Variants in FLT1 observed in about 807,000 individuals in gnomAD.
The protein encoded by FLT1 is fms related receptor tyrosine kinase 1.
A neutral mutation model predicts 156.3 loss-of-function variants in FLT1; 49 were observed. That is an observed-to-expected ratio of 0.31 (90% CI 0.25 to 0.40). The LOEUF (loss-of-function observed/expected upper bound fraction) is 0.40. Among genes scored for constraint, FLT1 ranks in the 10% least tolerant of loss-of-function variants. The pLI, the probability that FLT1 is intolerant of heterozygous loss-of-function variation, is 1.00. For missense variants in FLT1, 1,322 were observed against 1,637.2 expected, an observed-to-expected ratio of 0.81 and a Z score of 3.32; for synonymous variants, 594 against 583.8, an observed-to-expected ratio of 1.02 and a Z score of -0.25.
chr13:28,400,308 T>A (rs978392880), intron 11 of FLT1, among the ~76,000 whole-genome samples: 3 of 152,192 alleles, frequency 2.0e-5, no homozygotes, highest in Admixed American at 2.0e-4. Context: ...GCTCTTCAAC[T>A]GTTGTTATGT....
intron 14 of FLT1, among the ~76,000 whole-genome samples, chr13:28,372,563 A>AATGTATATATATATATATATAT (rs1873653118): frequency 2.1e-5 from 1 of 46,594 alleles, no homozygotes; most frequent in Admixed American, 4.5e-4. Context: ...GTTTAAATAA[A>AATGTATATATATATATATATAT]ATGTATATAT....
chr13:28,314,260 T>C (rs769655656), intron 25 of FLT1, among the ~76,000 whole-genome samples: 1 of 152,188 alleles, frequency 6.6e-6, no homozygotes, highest in Non-Finnish European at 1.5e-5. Context: ...CTCCCTAGTT[T>C]CCCTGCTGAC....
intron 14 of FLT1, among the ~76,000 whole-genome samples, chr13:28,378,050 CTT>C (rs869039457): frequency 2.6e-4 from 36 of 136,026 alleles, no homozygotes; most frequent in Admixed American, 2.2e-4. Flanking sequence ...GAGACTTAAT[CTT>C]TTTTTTTTTT....
chr13:28,438,091 T>C, intron 4 of FLT1, 130 bp downstream of exon 4: 2 of 814,630 alleles, frequency 2.5e-6, no homozygotes, highest in Non-Finnish European at 4.2e-6. Context: ...AGTAAAAGGA[T>C]GTTACAGGAA....
chr13:28,338,236 G>A (rs1302769242), intron 17 of FLT1, among the ~76,000 whole-genome samples: 2 of 151,970 alleles, frequency 1.3e-5, no homozygotes, highest in Non-Finnish European at 2.9e-5. Context: ...TGCATGTAAG[G>A]AGAGGGACGA....
chr13:28,475,226 C>A (rs1319373360), intron 1 of FLT1, among the ~76,000 whole-genome samples: 1 of 152,170 alleles, frequency 6.6e-6, no homozygotes, highest in Non-Finnish European at 1.5e-5. Flanking sequence ...AAATTTTTAA[C>A]AAATTATGTC....
chr13:28,302,015 C>A lies in FLT1; in HGVS notation c.*1152G>T. 4.3e-6 allele frequency: 1 copy of A among 233,672 alleles called. No individual in the cohort carries two copies. The highest frequency in any genetic ancestry group is 6.0e-5 in the East Asian group (1 of 16,590). 14.5% of individuals were successfully genotyped at this position (233,672 alleles called of 1,614,324 possible). ...TTAAATGAAAAGGAAACGTGACTGA[C>A]TTCCTGTGTTTTGGGTCCCAACTGT... On this transcript the variant is annotated 3_prime_UTR_variant, in exon 30 of 30. Coordinates refer to ENST00000282397, the MANE Select transcript of FLT1 (RefSeq NM_002019.4).
intron 24 of FLT1, among the ~76,000 whole-genome samples, chr13:28,318,636 G>A (rs531606163): frequency 3.3e-5 from 5 of 152,334 alleles, no homozygotes; most frequent in South Asian, 4.1e-4. Context: ...AGCAACAGGT[G>A]CCTGTCATCG....
chr13:28,437,706 T>C (rs1293270651), intron 4 of FLT1, among the ~76,000 whole-genome samples: 3 of 152,188 alleles, frequency 2.0e-5, no homozygotes, highest in African/African-American at 7.2e-5. Context: ...TCCTCCCTTT[T>C]TCCCTAAGAG....
At chr13:28,385,062 C>T (rs200484424) in intron 13 of FLT1, 31 bp from the exon 14 acceptor site, 441 of 1,612,464 alleles carry the variant, frequency 2.7e-4, no homozygotes, top group Non-Finnish European at 3.4e-4. Context: ...GCTGTGATTA[C>T]TCGTCAACTT....
intron 3 of FLT1, among the ~76,000 whole-genome samples, chr13:28,443,231 A>G (rs561272372): frequency 1.3e-5 from 2 of 152,356 alleles, no homozygotes; most frequent in Admixed American, 1.3e-4. Context: ...ATCCTTCAGG[A>G]CAACAAGTGG....
chr13:28,439,519 C>T lies in FLT1; in HGVS notation c.389-1174G>A, dbSNP rs1250356390. ...TGATCATTATGGTAGAACTGTGTCCCCACCAAAACGATATGCTGAAGTCCT... is the reference window on the plus strand; with the variant it reads ...TGATCATTATGGTAGAACTGTGTCCTCACCAAAACGATATGCTGAAGTCCT... On this transcript the variant is annotated intron_variant, in intron 3 of 29. Coordinates refer to ENST00000282397, the MANE Select transcript of FLT1 (RefSeq NM_002019.4). The surrounding 1 kb of genome is among the most constrained non-coding windows in gnomAD (Gnocchi z 4.1). Among the ~76,000 whole-genome samples the T allele has an allele frequency of 1.3e-5, 2 of 152,160 alleles. No homozygotes were observed. The highest frequency in any genetic ancestry group is 4.8e-5 in the African/African-American group (2 of 41,446).
chr13:28,424,673 C>T (rs1441719899), intron 10 of FLT1, among the ~76,000 whole-genome samples: 2 of 152,080 alleles, frequency 1.3e-5, no homozygotes, highest in Admixed American at 1.3e-4. Context: ...ATGCTTTGGC[C>T]GTGGATATAC....
rs1211188358 is a variant in FLT1, at chr13:28,372,094, T to C, written c.2116+12791A>G. On this transcript the variant is annotated intron_variant, in intron 14 of 29. Coordinates refer to ENST00000282397, the MANE Select transcript of FLT1 (RefSeq NM_002019.4). Reference sequence around the variant, plus strand: ...TATATATATTTTTTTTTTTTTTTTTTTTTTTGAGACAGAGTCTCGCTCTCT... The same window carrying C: ...TATATATATTTTTTTTTTTTTTTTTCTTTTTGAGACAGAGTCTCGCTCTCT... Among the ~76,000 whole-genome samples, 17 of 124,622 alleles carry C rather than the reference T, an allele frequency of 1.4e-4. No homozygotes were observed. The East Asian group carries it at 3.8e-3, about 28-fold the overall frequency. 81.8% of individuals were successfully genotyped at this position (124,622 alleles called of 152,430 possible). A position where few individuals can be genotyped will look rare whatever the true frequency, so the allele number is the denominator to read the frequency against.
intron 13 of FLT1, chr13:28,388,063 C>T (rs186621805): frequency 1.0e-5 from 11 of 1,058,372 alleles, no homozygotes; most frequent in Non-Finnish European, 1.3e-5. Flanking sequence ...ATTAAGGCCC[C>T]CATGTTCTAT....
chr13:28,368,799 G>T, intron 14 of FLT1: 1 of 565,392 alleles, frequency 1.8e-6, no homozygotes, highest in South Asian at 2.5e-5. Context: ...CCACCTTCCG[G>T]GTTCAAGCGA....
intron 12 of FLT1, among the ~76,000 whole-genome samples, chr13:28,392,892 T>G (rs990557212): frequency 3.3e-5 from 5 of 152,188 alleles, no homozygotes; most frequent in African/African-American, 1.2e-4. Flanking sequence ...TCAGACAGCC[T>G]TTTAGAAATG....
intron 11 of FLT1, among the ~76,000 whole-genome samples, chr13:28,397,830 T>C (rs1875157107): frequency 6.6e-6 from 1 of 151,794 alleles, no homozygotes; most frequent in Non-Finnish European, 1.5e-5. Flanking sequence ...TAAGTATCTA[T>C]TCCTAATCTA....
intron 12 of FLT1, among the ~76,000 whole-genome samples, chr13:28,393,412 A>G (rs767109237): frequency 3.9e-5 from 6 of 152,198 alleles, no homozygotes; most frequent in Non-Finnish European, 8.8e-5. Flanking sequence ...AAGAGTGGAA[A>G]TATTACTTAA....
Sources: allele counts gnomAD v4.1 joint callset (sites outside exome capture counted in the v4.1 genomes callset), GRCh38; gene constraint gnomAD v4.1.1; non-coding constraint Gnocchi (gnomAD v3.1); transcripts MANE v1.5; gene names NCBI Gene and HGNC (gene_info 2026-07-23, HGNC 2026-07-21).